Variants in DUOX2 observed in about 807,000 individuals in gnomAD.
DUOX2 encodes the protein NADH/NADPH thyroid oxidase p138-tox.
DUOX2 carries 185 observed loss-of-function variants against 183.3 expected under a neutral mutation model. The observed-to-expected ratio is 1.01, with a 90% CI of 0.90 to 1.14. The LOEUF (loss-of-function observed/expected upper bound fraction) is 1.14, where lower values mean the gene tolerates loss of function less well. Among genes scored for constraint, DUOX2 ranks in the 50% most tolerant of loss-of-function variants. The pLI, the probability that DUOX2 is intolerant of heterozygous loss-of-function variation, is 0.00. For missense variants in DUOX2, 1,999 were observed against 2,022.9 expected (o/e 0.99, Z 0.23); for synonymous variants, 788 against 812.4 (o/e 0.97, Z 0.51).
At position 45,109,951 on chromosome 15, in the gene DUOX2, A is replaced by C; in HGVS notation, c.1070T>G (p.Leu357Arg). Residue 357 changes from leucine to arginine, a missense_variant, in exon 10 of 34, where the codon CTG becomes CGG. By Grantham distance (102) the Leu-to-Arg change is moderately radical. Coordinates refer to ENST00000389039, the MANE Select transcript of DUOX2 (RefSeq NM_001363711.2). ...TTGGGAGCTTTGAAAACCCTTGTTCAGGACCTTCCGGAAATGACAGCTGGC... is the reference window on the plus strand; with the variant it reads ...TTGGGAGCTTTGAAAACCCTTGTTCCGGACCTTCCGGAAATGACAGCTGGC... ...RNASCHFRKV[L>R]NKGFQSSQAL... 6.2e-7 allele frequency: 1 copy of C among 1,614,106 alleles called. No individual in the cohort carries two copies. Among genetic ancestry groups the C allele is most frequent in the Non-Finnish European group, 8.5e-7 (1 of 1,180,000 alleles).
chr15:45,106,506 C>A, intron 16 of DUOX2, 22 bp downstream of exon 16: 1 of 1,612,448 alleles, frequency 6.2e-7, no homozygotes, highest in Non-Finnish European at 8.5e-7. Context: ...CCTCCTCCCT[C>A]CTCTGCCCAG....
rs138358075 is a variant in DUOX2, at chr15:45,100,810, C to A, written c.2950G>T (p.Ala984Ser). ...RSHPQGLGPP[A>S]PEAPELGGPG... ...CCTCCCAGCTCTGGGGCTTCTGGGGCAGGGGGCCCCAGTCCCTGGGGGTGG... is the reference window on the plus strand; with the variant it reads ...CCTCCCAGCTCTGGGGCTTCTGGGGAAGGGGGCCCCAGTCCCTGGGGGTGG... Residue 984 changes from alanine (A) to serine (S), a missense_variant, in exon 23 of 34, where the codon GCC becomes TCC. Coordinates refer to ENST00000389039, the MANE Select transcript of DUOX2 (RefSeq NM_001363711.2). The A allele has an allele frequency of 3.5e-4, 569 of 1,613,930 alleles. 3 individuals are homozygous for A. In the African/African-American group the frequency reaches 7.0e-3, roughly 20 times the overall value.
At chr15:45,095,218 C>A in intron 31 of DUOX2, 127 bp from the exon 32 acceptor site, 1 of 1,429,588 alleles carries the variant, frequency 7.0e-7, no homozygotes, top group Non-Finnish European at 9.4e-7. Flanking sequence ...CAGGACCCAC[C>A]AGCCTGATCC....
At chr15:45,109,712 A>T in intron 10 of DUOX2, 86 bp from the exon 11 acceptor site, 1 of 1,448,334 alleles carries the variant, frequency 6.9e-7, no homozygotes, top group East Asian at 2.3e-5. Flanking sequence ...CCCAGGACAA[A>T]GGGCCCTTGG....
chr15:45,109,647 C>T lies in DUOX2; in HGVS notation c.1132-21G>A, dbSNP rs375111265. 6 of 1,611,148 alleles carry T rather than the reference C, an allele frequency of 3.7e-6. No homozygotes were observed. In the African/African-American group the frequency reaches 5.3e-5, roughly 14 times the overall value. Reference sequence around the variant, plus strand: ...GGGTTCTGGAAGTAAACAATGCACTCAAGATAGGCCTCTACCCAAAACTCG... The same window carrying T: ...GGGTTCTGGAAGTAAACAATGCACTTAAGATAGGCCTCTACCCAAAACTCG... On this transcript the variant is annotated intron_variant, in intron 10 of 33. Transcript: ENST00000389039.
rs1555412472 is a variant in DUOX2, at chr15:45,095,523, C to A, written c.4153G>T (p.Gly1385Trp). The change falls in exon 31 of 34, where the codon GGG (glycine) becomes TGG (tryptophan). Residue 1385 changes from glycine (G) to tryptophan (W), a missense_variant. Physicochemically the swap from Gly to Trp is radical, Grantham distance 184. Around this residue, in one of 3 missense-constraint regions of DUOX2, gnomAD observed 1,628 missense variants for 1,608.6 expected, o/e 1.01. Coordinates refer to ENST00000389039, the MANE Select transcript of DUOX2 (RefSeq NM_001363711.2). ...GCAAAGGGGGTGACCCCAATGCCCC[C>A]TCCCACCAACACTGACACCTCAAAT... ...HKFEVSVLVG[G>W]GIGVTPFASI... The A allele has an allele frequency of 1.2e-6, 2 of 1,614,224 alleles. No homozygotes were observed. Among genetic ancestry groups the A allele is most frequent in the Non-Finnish European group, 8.5e-7 (1 of 1,180,040 alleles).
At chr15:45,099,355 C>T in intron 26 of DUOX2, 28 bp downstream of exon 26, 1 of 1,603,720 alleles carries the variant, frequency 6.2e-7, no homozygotes, top group South Asian at 1.1e-5. Context: ...CCCTATGAGT[C>T]CCAGGAGAAA....
At chr15:45,097,809 A>C in intron 27 of DUOX2, 68 bp from the exon 28 acceptor site, 2 of 1,611,078 alleles carry the variant, frequency 1.2e-6, no homozygotes, top group Non-Finnish European at 1.7e-6. Context: ...AGACAACAGC[A>C]CATTCCCCTA....
chr15:45,106,814 G>A lies in DUOX2; in HGVS notation c.1831+18C>T. 1 of 1,597,690 alleles carries A rather than the reference G, an allele frequency of 6.3e-7. No homozygotes were observed. The highest frequency in any genetic ancestry group is 8.5e-7 in the Non-Finnish European group (1 of 1,172,718). ...GAGGGGCAGGGCCAGTCTGCAGAGA[G>A]GCTGCCTAAGAGCTCACCTAAGGGA... On this transcript the variant is annotated intron_variant, in intron 15 of 33. Coordinates refer to ENST00000389039, the MANE Select transcript of DUOX2 (RefSeq NM_001363711.2).
rs899978179 is a variant in DUOX2 at position 45,099,416 on chromosome 15, G to T, written c.3482C>A (p.Ala1161Asp). 1 of 1,614,006 alleles carries T rather than the reference G, an allele frequency of 6.2e-7. No individual in the cohort carries two copies. The highest frequency in any genetic ancestry group is 1.3e-5 in the African/African-American group (1 of 74,904). The change falls in exon 26 of 34, where the codon GCC (alanine) becomes GAC (aspartate). Residue 1161 changes from alanine (A) to aspartate (D), a missense_variant. Coordinates refer to ENST00000389039, the MANE Select transcript of DUOX2 (RefSeq NM_001363711.2). ...IFSVSPLSLL[A>D]CIFPNVFVND... ...CACAAAGACGTTGGGGAATATGCAG[G>T]CCAGCAGGCTGAGTGGGCTGACTGA...
rs1040759755 is a variant in DUOX2 at position 45,107,175 on chromosome 15, C to T, written c.1693+170G>A. On this transcript the variant is annotated intron_variant, in intron 14 of 33. Transcript: ENST00000389039. ...ACCCCTTCTTGACTGTAGGGTGTAG[C>T]TTGTGTGCTAGTTGAGGTCCCTGCT... Among the ~76,000 whole-genome samples, 7 of 152,134 alleles carry T rather than the reference C, an allele frequency of 4.6e-5. No individual in the cohort carries two copies. In the East Asian group the frequency reaches 5.8e-4, roughly 13 times the overall value.
rs1456803917 is a variant in DUOX2 at position 45,101,190 on chromosome 15, C to T, written c.2921+15G>A. 3 of 1,612,748 alleles carry T rather than the reference C, an allele frequency of 1.9e-6. No homozygotes were observed. Among genetic ancestry groups the T allele is most frequent in the East Asian group, 2.2e-5 (1 of 44,878 alleles). ...CTCAGCCAGGCCAACCTGCCAGAGCCCCATTCCTGCTCACCGCTCCCCAGG... is the reference window on the plus strand; with the variant it reads ...CTCAGCCAGGCCAACCTGCCAGAGCTCCATTCCTGCTCACCGCTCCCCAGG... On this transcript the variant is annotated intron_variant, in intron 22 of 33. Transcript: ENST00000389039.
In DUOX2 at chr15:45,106,214, G is replaced by C; in HGVS notation, c.2059C>G (p.Leu687Val). ...AGGTTGACCTGCTGCAGAGGCTGCA[G>C]CTGGACCACACGGAGCACAGTGAGA... is the stretch of plus-strand genomic sequence containing the variant. The part of the protein sequence containing the change: ...RHLTVLRVVQ[L>V]QPLQQVNLIL... The change falls in exon 17 of 34, where the codon CTG becomes GTG. Residue 687 changes from leucine to valine, a missense_variant. Leu to Val is a conservative substitution (Grantham distance 32, BLOSUM62 1). Transcript: ENST00000389039. 1.2e-6 allele frequency: 2 copies of C among 1,614,172 alleles called. No homozygotes were observed. Among genetic ancestry groups the C allele is most frequent in the African/African-American group, 2.7e-5 (2 of 75,046 alleles).
At chr15:45,112,073 C>G in intron 4 of DUOX2, 118 bp from the exon 5 acceptor site, 1 of 1,270,062 alleles carries the variant, frequency 7.9e-7, no homozygotes, top group East Asian at 2.5e-5. Flanking sequence ...GCCAGCTCCG[C>G]CACCAGCTCT....
In DUOX2 at chr15:45,100,094, A is replaced by G. The variant is rs1055405342; in HGVS notation, c.3140T>C (p.Ile1047Thr). 1.2e-6 allele frequency: 2 copies of G among 1,614,060 alleles called. No homozygotes were observed. Among genetic ancestry groups the G allele is most frequent in the Non-Finnish European group, 1.7e-6 (2 of 1,180,044 alleles). ...CACGCCAACACAGATGGCCGAGAAG[A>G]TTGCCACACACACGATGTGCCTCCG... is the stretch of plus-strand genomic sequence containing the variant. ...NYRRHIVCVA[I>T]FSAICVGVFA... Residue 1047 changes from isoleucine to threonine, a missense_variant, in exon 24 of 34, where the codon ATC becomes ACC. Ile to Thr is a moderately conservative substitution (Grantham distance 89). Transcript: ENST00000389039.
At chr15:45,112,902 C>T in intron 3 of DUOX2, 85 bp downstream of exon 3, 1 of 1,562,192 alleles carries the variant, frequency 6.4e-7, no homozygotes, top group Non-Finnish European at 8.8e-7. Context: ...GGCGCGTGTT[C>T]CCCGCAGATT....
At chr15:45,095,347 C>T in intron 31 of DUOX2, 90 bp downstream of exon 31, 1 of 1,578,646 alleles carries the variant, frequency 6.3e-7, no homozygotes, top group Admixed American at 1.7e-5. Context: ...GTTCCTGGAG[C>T]CAGGAGCTTT....
At chr15:45,105,611 G>A in intron 18 of DUOX2, 32 bp downstream of exon 18, 1 of 1,613,786 alleles carries the variant, frequency 6.2e-7, no homozygotes, top group African/African-American at 1.3e-5. Context: ...TCTGGGGCTG[G>A]ACCCATCTCC....
At chr15:45,095,272 T>A (rs1402083415) in intron 31 of DUOX2, among the ~76,000 whole-genome samples, 165 bp downstream of exon 31, 1 of 152,170 alleles carries the variant, frequency 6.6e-6, no homozygotes, top group African/African-American at 2.4e-5. Context: ...CTTCTGGCTA[T>A]ACCACCAACC....
Sources: gnomAD v4.1 joint callset for allele counts (sites outside exome capture counted in the v4.1 genomes callset) on GRCh38, gnomAD v4.1.1 for gene constraint, gnomAD v4.1.1 regional missense constraint, MANE v1.5 for transcripts, NCBI Gene and HGNC (gene_info 2026-07-23, HGNC 2026-07-21) for gene names.